FAAH2: variants seen among roughly 807,000 people sequenced by gnomAD.
The protein encoded by FAAH2 is fatty-acid amide hydrolase 2.
A neutral mutation model predicts 36.9 loss-of-function variants in FAAH2; 60 were observed. The observed-to-expected ratio is 1.63, with a 90% confidence interval of 1.32 to 2.02. The LOEUF is 2.02. Among genes scored for constraint, FAAH2 ranks in the 30% most tolerant of loss-of-function variants. The pLI is 0.00. For missense variants in FAAH2, 689 were observed against 397.5 expected (o/e 1.73, Z -6.23); for synonymous variants, 214 against 143.8 (o/e 1.49, Z -3.49).
intron 3 of FAAH2, among the ~76,000 whole-genome samples, chrX:57,328,621 A>T: frequency 9.0e-6 from 1 of 111,602 alleles, no homozygotes; most frequent in Non-Finnish European, 1.9e-5. Context: ...TGTGTGGAGG[A>T]AGGAAAACAC....
At chrX:57,472,056 C>T (rs751961874) in intron 10 of FAAH2, among the ~76,000 whole-genome samples, 1 of 112,232 alleles carries the variant, frequency 8.9e-6, no homozygotes, top group South Asian at 3.7e-4. Context: ...AAAGCTGAAA[C>T]TGGATCCCTT....
At chrX:57,165,450 A>G in the FAAH2 span, among the ~76,000 whole-genome samples, 1 of 110,933 alleles carries the variant, frequency 9.0e-6, no homozygotes, top group Non-Finnish European at 1.9e-5. Context: ...ACAAAAAACC[A>G]AACACCGCAT....
chrX:57,276,319 G>A, the FAAH2 span, among the ~76,000 whole-genome samples: 1 of 112,148 alleles, frequency 8.9e-6, no homozygotes, highest in Non-Finnish European at 1.9e-5. Flanking sequence ...GCTCCTGAAT[G>A]ACTACTGAGT....
chrX:57,286,797 C>G lies in FAAH2; in HGVS notation c.-29C>G, dbSNP rs1273582814. 3.5e-6 allele frequency: 4 copies of G among 1,152,815 alleles called. No individual in the cohort carries two copies. ...CCCCAGGGTGCACGTAACCCTCAAG[C>G]ACTAGGACCGTGCGGAATCCAGGCT... On this transcript the variant is annotated 5_prime_UTR_variant, in exon 1 of 11. Transcript: ENST00000374900.
chrX:57,409,672 T>C (rs1054635807), intron 7 of FAAH2, among the ~76,000 whole-genome samples: 2 of 111,364 alleles, frequency 1.8e-5, no homozygotes, highest in Non-Finnish European at 3.8e-5. Context: ...TCTTATAGGT[T>C]ATCCAATCTG....
intron 5 of FAAH2, among the ~76,000 whole-genome samples, chrX:57,368,712 G>A (rs2054479501): frequency 9.0e-6 from 1 of 110,977 alleles, no homozygotes; most frequent in African/African-American, 3.3e-5. Context: ...GGAAACATCA[G>A]CAGGTAAAAG....
At chrX:57,328,252 T>G (rs1002933442) in intron 3 of FAAH2, among the ~76,000 whole-genome samples, 2 of 111,274 alleles carry the variant, frequency 1.8e-5, no homozygotes, top group African/African-American at 6.5e-5. Flanking sequence ...TGCCCCTACT[T>G]GGGGGTGCCT....
At chrX:57,170,870 AT>A in the FAAH2 span, among the ~76,000 whole-genome samples, 52 of 103,229 alleles carry the variant, frequency 5.0e-4, no homozygotes, top group East Asian at 1.2e-3. Context: ...ATGACCAGCT[AT>A]TTTTTTTTTT....
chrX:57,255,610 G>C, the FAAH2 span, among the ~76,000 whole-genome samples: 1 of 111,805 alleles, frequency 8.9e-6, no homozygotes, highest in Non-Finnish European at 1.9e-5. Flanking sequence ...GGGATGCAAG[G>C]TTGGTCCAAC....
chrX:57,185,533 T>C, the FAAH2 span, among the ~76,000 whole-genome samples: 8 of 109,077 alleles, frequency 7.3e-5, no homozygotes, highest in Non-Finnish European at 1.3e-4. Context: ...TGTTCGTGTG[T>C]GCGTGTATGT....
the FAAH2 span, among the ~76,000 whole-genome samples, chrX:57,167,538 A>T: frequency 9.0e-6 from 1 of 111,659 alleles, no homozygotes; most frequent in Non-Finnish European, 1.9e-5. Flanking sequence ...ACCACTTCTT[A>T]ACTTATATTG....
chrX:57,444,330 C>G (rs900404463), intron 8 of FAAH2, among the ~76,000 whole-genome samples: 1 of 111,993 alleles, frequency 8.9e-6, no homozygotes, highest in Admixed American at 9.4e-5. Context: ...CCCCCAGCCT[C>G]GCTGCCACCT....
chrX:57,197,225 ATTTTT>A, the FAAH2 span, among the ~76,000 whole-genome samples: 1 of 110,715 alleles, frequency 9.0e-6, no homozygotes, highest in Non-Finnish European at 1.9e-5. Context: ...AGAAGTGCTT[ATTTTT>A]ATTTATGCTA....
chrX:57,181,379 T>C, the FAAH2 span, among the ~76,000 whole-genome samples: 1 of 111,931 alleles, frequency 8.9e-6, no homozygotes, highest in East Asian at 2.8e-4. Flanking sequence ...TGAAAACAAC[T>C]TCAACAAAGC....
chrX:57,394,717 T>C, intron 7 of FAAH2: 1 of 858,946 alleles, frequency 1.2e-6, no homozygotes, highest in Non-Finnish European at 1.7e-6. Flanking sequence ...GATTCCACAG[T>C]TGATGACTAT....
At chrX:57,415,029 G>A (rs1467941475) in intron 7 of FAAH2, among the ~76,000 whole-genome samples, 1 of 110,070 alleles carries the variant, frequency 9.1e-6, no homozygotes, top group Non-Finnish European at 1.9e-5. Flanking sequence ...GATATTTATA[G>A]TATTCTCTGA....
At chrX:57,417,668 C>T (rs774673450) in intron 7 of FAAH2, among the ~76,000 whole-genome samples, 89 of 111,530 alleles carry the variant, frequency 8.0e-4, no homozygotes, top group Non-Finnish European at 1.4e-3. Context: ...GTCTGTCGAC[C>T]CCTGCTTGGA....
At chrX:57,200,697 T>A in the FAAH2 span, among the ~76,000 whole-genome samples, 5 of 112,014 alleles carry the variant, frequency 4.5e-5, no homozygotes, top group East Asian at 1.4e-3. Context: ...ACTGTTTAAT[T>A]TTTTTCATTT....
chrX:57,147,992 T>C, the FAAH2 span, among the ~76,000 whole-genome samples: 54 of 111,800 alleles, frequency 4.8e-4, no homozygotes, highest in East Asian at 4.8e-3. Context: ...GCCTATTACA[T>C]AGAATTTTCC....
Sources: allele counts gnomAD v4.1 joint callset (sites outside exome capture counted in the v4.1 genomes callset), GRCh38; gene constraint gnomAD v4.1.1; transcripts MANE v1.5; gene names NCBI Gene and HGNC (gene_info 2026-07-23, HGNC 2026-07-21).